MID1: variants seen among roughly 807,000 people sequenced by gnomAD.
MID1 encodes the protein midline 1, also known as E3 ubiquitin-protein ligase Midline-1.
A neutral mutation model predicts 40.4 loss-of-function variants in MID1; 7 were observed. That is an observed-to-expected ratio of 0.17 (90% CI 0.10 to 0.33). The LOEUF (loss-of-function observed/expected upper bound fraction) is 0.33. Among genes scored for constraint, MID1 ranks in the 10% least tolerant of loss-of-function variants. The pLI is 1.00. For synonymous variants in MID1, 229 were observed against 221.2 expected (o/e 1.04, Z -0.31); for missense variants, 367 against 558.5 (o/e 0.66, Z 3.46).
At chrX:10,550,418 G>A (rs758151992) in intron 2 of MID1, among the ~76,000 whole-genome samples, 1 of 112,361 alleles carries the variant, frequency 8.9e-6, no homozygotes, top group East Asian at 2.8e-4. Flanking sequence ...CTGAAGGCTG[G>A]CATGTGCGGG....
intron 1 of MID1, among the ~76,000 whole-genome samples, chrX:10,712,042 C>T (rs1178243207): frequency 8.9e-6 from 1 of 112,192 alleles, no homozygotes; most frequent in Non-Finnish European, 1.9e-5. Context: ...GATTTATGTA[C>T]ATCCAATTCA....
In MID1 at chrX:10,507,726, T is replaced by A. The variant is rs1250189680; in HGVS notation, c.757-12035A>T. ...AATCATCCCTTTGGCAGCAATACTT[T>A]CAGATAACATGCTAAAAGAAGAAAT... On this transcript the variant is annotated intron_variant, in intron 3 of 9. Coordinates refer to ENST00000317552, the MANE Select transcript of MID1 (RefSeq NM_000381.4). Among the ~76,000 whole-genome samples, 86 of 112,167 alleles carry A rather than the reference T, an allele frequency of 7.7e-4. 2 individuals are homozygous for A. Among genetic ancestry groups the A allele is most frequent in the Non-Finnish European group, 1.9e-5 (1 of 53,211 alleles).
intron 1 of MID1, among the ~76,000 whole-genome samples, chrX:10,713,331 T>C (rs2043281332): frequency 9.2e-6 from 1 of 108,708 alleles, no homozygotes; most frequent in Non-Finnish European, 1.9e-5. Flanking sequence ...GGAGATTTTT[T>C]TTTTTTTTTT....
At chrX:10,506,528 A>T (rs1268472799) in intron 3 of MID1, 1 of 516,432 alleles carries the variant, frequency 1.9e-6, no homozygotes, top group Non-Finnish European at 3.5e-6. Flanking sequence ...ATCTCCCATC[A>T]GGAGCTGGTT....
chrX:10,811,921 G>A (rs1392340459), intron 1 of MID1, among the ~76,000 whole-genome samples: 5 of 111,537 alleles, frequency 4.5e-5, no homozygotes, highest in African/African-American at 9.8e-5. Flanking sequence ...TTTTTTGATG[G>A]CAAAATGTCC....
chrX:10,726,814 G>C (rs778276724), intron 1 of MID1, among the ~76,000 whole-genome samples: 4 of 112,665 alleles, frequency 3.6e-5, no homozygotes, highest in Non-Finnish European at 7.5e-5. Context: ...CCAAACTGTG[G>C]TTAGTGTGGG....
At chrX:10,689,340 T>C (rs187977771) in intron 1 of MID1, among the ~76,000 whole-genome samples, 1 of 109,605 alleles carries the variant, frequency 9.1e-6, no homozygotes, top group East Asian at 2.9e-4. Context: ...AGAGAGAGGG[T>C]GAAGGGGGAA....
chrX:10,530,378 A>G (rs1416530228), intron 2 of MID1, among the ~76,000 whole-genome samples: 2 of 111,884 alleles, frequency 1.8e-5, no homozygotes, highest in Non-Finnish European at 3.8e-5. Flanking sequence ...AAATAATTCA[A>G]AATGGTCCTT....
chrX:10,577,401 T>C (rs1260012607), intron 1 of MID1, among the ~76,000 whole-genome samples: 2 of 111,634 alleles, frequency 1.8e-5, no homozygotes, highest in East Asian at 5.6e-4. Context: ...AATATACACA[T>C]TATTTTGTGC....
chrX:10,687,975 C>T (rs1017811276), intron 1 of MID1, among the ~76,000 whole-genome samples: 14 of 111,328 alleles, frequency 1.3e-4, no homozygotes, highest in East Asian at 1.1e-3. Flanking sequence ...CCCGTCGCTT[C>T]CCCAGAGTGC....
At chrX:10,707,431 T>A (rs1010793977) in intron 1 of MID1, among the ~76,000 whole-genome samples, 13 of 112,101 alleles carry the variant, frequency 1.2e-4, no homozygotes, top group African/African-American at 3.6e-4. Context: ...AATCCAGGTG[T>A]GTGTCTAGAA....
At chrX:10,539,706 T>C (rs1484344589) in intron 2 of MID1, among the ~76,000 whole-genome samples, 1 of 93,412 alleles carries the variant, frequency 1.1e-5, no homozygotes, top group Non-Finnish European at 2.3e-5. Flanking sequence ...TACAGTTTCC[T>C]CAATAGCCAA....
chrX:10,465,189 A>ATG (rs1929273312), intron 7 of MID1, among the ~76,000 whole-genome samples: 1 of 48,550 alleles, frequency 2.1e-5, no homozygotes, highest in African/African-American at 1.1e-4. Context: ...CTGAAATTTT[A>ATG]TATATATATA....
intron 3 of MID1, among the ~76,000 whole-genome samples, chrX:10,522,067 C>A (rs1344634840): frequency 8.9e-6 from 1 of 111,993 alleles, no homozygotes; most frequent in Non-Finnish European, 1.9e-5. Flanking sequence ...GTCTCCTGAG[C>A]TCAAGCGATC....
chrX:10,746,669 T>C (rs1192285756), intron 1 of MID1, among the ~76,000 whole-genome samples: 3 of 111,149 alleles, frequency 2.7e-5, no homozygotes, highest in Non-Finnish European at 5.7e-5. Flanking sequence ...AGAAGAATTA[T>C]CTTCTGTCCA....
At chrX:10,503,642 C>T (rs1931670467) in intron 3 of MID1, among the ~76,000 whole-genome samples, 1 of 112,167 alleles carries the variant, frequency 8.9e-6, no homozygotes, top group African/African-American at 3.2e-5. Flanking sequence ...ACATGTAATC[C>T]TGCTTTAGCA....
At chrX:10,710,967 G>A (rs1884347472) in intron 1 of MID1, among the ~76,000 whole-genome samples, 1 of 111,606 alleles carries the variant, frequency 9.0e-6, no homozygotes, top group Non-Finnish European at 1.9e-5. Flanking sequence ...AACCGGCCAT[G>A]TCTTTTCTTT....
At chrX:10,812,506 C>G (rs1258186271) in intron 1 of MID1, among the ~76,000 whole-genome samples, 3 of 111,490 alleles carry the variant, frequency 2.7e-5, no homozygotes, top group Non-Finnish European at 3.8e-5. Context: ...CTTGGTCCCT[C>G]TCTCTCTTTC....
intron 2 of MID1, among the ~76,000 whole-genome samples, chrX:10,551,841 T>A (rs1933920462): frequency 8.9e-6 from 1 of 112,115 alleles, no homozygotes; most frequent in African/African-American, 3.2e-5. Flanking sequence ...TGGAGTGTAG[T>A]GGTGTGATCA....
Sources: allele counts gnomAD v4.1 joint callset (sites outside exome capture counted in the v4.1 genomes callset), GRCh38; gene constraint gnomAD v4.1.1; transcripts MANE v1.5; gene names NCBI Gene and HGNC (gene_info 2026-07-23, HGNC 2026-07-21).